Variants in IAPP observed in about 807,000 individuals in gnomAD.
The protein encoded by IAPP is Islet amyloid polypeptide (diabetes-associated peptide; amylin).
Under a neutral mutation model 2.9 loss-of-function variants are expected in IAPP, and 4 were observed. The ratio of observed to expected loss-of-function variants is 1.39; its 90% CI spans 0.69 to 3.19. The LOEUF (loss-of-function observed/expected upper bound fraction) is 3.19, where lower values mean the gene tolerates loss of function less well. IAPP is among the 30% of genes most tolerant of loss of function. The pLI, the probability that IAPP is intolerant of heterozygous loss-of-function variation, is 0.01. For synonymous variants in IAPP, 40 were observed against 42.1 expected (o/e 0.95, Z 0.19); for missense variants, 114 against 105.3 (o/e 1.08, Z -0.36).
chr12:21,373,345 A>G lies in IAPP; in HGVS notation c.-7A>G. The G allele has an allele frequency of 6.2e-7, 1 of 1,605,264 alleles. No homozygotes were observed. Among genetic ancestry groups the G allele is most frequent in the Non-Finnish European group, 8.5e-7 (1 of 1,172,198 alleles). On this transcript the variant is annotated 5_prime_UTR_variant, in exon 2 of 3. Transcript: ENST00000240652. ...TGGATTATTCTTTGCAGAAAATTTG[A>G]GAAGCAATGGGCATCCTGAAGCTGC...
upstream of IAPP, among the ~76,000 whole-genome samples, chr12:21,370,927 AG>A (rs1939739771): frequency 6.6e-6 from 1 of 152,210 alleles, no homozygotes; most frequent in African/African-American, 2.4e-5. Context: ...GAAAGAGTTC[AG>A]GGGCAAGTTG....
At chr12:21,357,901 C>A (rs1048291394) in intron 1 of IAPP, among the ~76,000 whole-genome samples, 4 of 152,072 alleles carry the variant, frequency 2.6e-5, no homozygotes, top group African/African-American at 7.2e-5. Context: ...TATAAACATG[C>A]AAACCATTAA....
chr12:21,366,847 G>A (rs189382691), intron 1 of IAPP, among the ~76,000 whole-genome samples: 10 of 151,858 alleles, frequency 6.6e-5, no homozygotes, highest in Admixed American at 6.6e-4. Flanking sequence ...TAATTAAAGA[G>A]ATTAAAAATA....
intron 1 of IAPP, among the ~76,000 whole-genome samples, chr12:21,365,048 T>G (rs893960738): frequency 3.3e-5 from 5 of 152,124 alleles, no homozygotes; most frequent in African/African-American, 1.2e-4. Context: ...AAAAACTACT[T>G]TAAAGTTCAT....
upstream of IAPP, among the ~76,000 whole-genome samples, chr12:21,369,334 C>T (rs1381476471): frequency 1.3e-5 from 2 of 152,082 alleles, no homozygotes; most frequent in East Asian, 3.9e-4. Context: ...CAGCAACCAC[C>T]CTGGTCTAAG....
At chr12:21,373,710 A>G in intron 2 of IAPP, 1 of 701,702 alleles carries the variant, frequency 1.4e-6, no homozygotes, top group Non-Finnish European at 2.6e-6. Context: ...AAGCCAGAAC[A>G]TGAAGCGGGA....
chr12:21,374,016 C>A (rs1208425732), intron 2 of IAPP, among the ~76,000 whole-genome samples: 1 of 152,120 alleles, frequency 6.6e-6, no homozygotes, highest in Non-Finnish European at 1.5e-5. Flanking sequence ...GCTAGCTATT[C>A]TGTGAGTGAA....
At chr12:21,371,982 A>G (rs886190776), upstream of IAPP, among the ~76,000 whole-genome samples, 8 of 152,092 alleles carry the variant, frequency 5.3e-5, no homozygotes, top group Non-Finnish European at 1.0e-4. Context: ...AGCCTGGGCA[A>G]CAAAGAGTGA....
At chr12:21,357,471 T>C (rs1938465050) in intron 1 of IAPP, among the ~76,000 whole-genome samples, 1 of 152,234 alleles carries the variant, frequency 6.6e-6, no homozygotes, top group South Asian at 2.1e-4. Context: ...TCCAGAACTG[T>C]GAAACTATAA....
At chr12:21,373,208 A>G (rs1160562220) in intron 1 of IAPP, 129 bp from the exon 2 acceptor site, 1 of 685,026 alleles carries the variant, frequency 1.5e-6, no homozygotes, top group Non-Finnish European at 2.6e-6. Flanking sequence ...CTGTATCAAT[A>G]AAAATTTTGA....
intron 1 of IAPP, among the ~76,000 whole-genome samples, chr12:21,358,131 T>C (rs1172825857): frequency 1.3e-5 from 2 of 152,156 alleles, no homozygotes; most frequent in African/African-American, 4.8e-5. Flanking sequence ...CTTAATAAAC[T>C]TAAAAATGTC....
intron 1 of IAPP, among the ~76,000 whole-genome samples, chr12:21,364,089 A>G (rs780147375): frequency 1.3e-5 from 2 of 152,182 alleles, no homozygotes; most frequent in Non-Finnish European, 1.5e-5. Flanking sequence ...GCAGAAACAC[A>G]ACAAAAAAAG....
intron 1 of IAPP, among the ~76,000 whole-genome samples, chr12:21,362,298 T>A (rs563873578): frequency 2.6e-5 from 4 of 152,156 alleles, no homozygotes; most frequent in Non-Finnish European, 5.9e-5. Flanking sequence ...CCAGTCAAAC[T>A]AAGCTTCATA....
chr12:21,358,259 T>C (rs959326254), intron 1 of IAPP, among the ~76,000 whole-genome samples: 1 of 152,228 alleles, frequency 6.6e-6, no homozygotes, highest in African/African-American at 2.4e-5. Flanking sequence ...AAAAAATCAT[T>C]AAGCTTGCTA....
intron 1 of IAPP, among the ~76,000 whole-genome samples, chr12:21,358,615 T>C (rs910780086): frequency 3.3e-5 from 5 of 152,142 alleles, no homozygotes; most frequent in African/African-American, 4.8e-5. Context: ...TTATCACTAG[T>C]TAATACTTTT....
intron 1 of IAPP, among the ~76,000 whole-genome samples, chr12:21,362,984 A>C (rs1278570083): frequency 6.6e-6 from 1 of 152,198 alleles, no homozygotes; most frequent in African/African-American, 2.4e-5. Flanking sequence ...TAGACAGATC[A>C]ACAAGACAGA....
chr12:21,373,116 A>G, intron 1 of IAPP, 112 bp downstream of exon 1: 1 of 559,386 alleles, frequency 1.8e-6, no homozygotes. Flanking sequence ...GTATTACAAT[A>G]TAAATGTTCA....
In IAPP at chr12:21,379,058, G is replaced by C. The variant is rs1476984589; in HGVS notation, c.*632G>C. 6.6e-6 allele frequency: 1 copy of C among 152,242 alleles called. No homozygotes were observed. The highest frequency in any genetic ancestry group is 2.4e-5 in the African/African-American group (1 of 41,430). 9.4% of individuals were successfully genotyped at this position (152,242 alleles called of 1,614,324 possible). On this transcript the variant is annotated 3_prime_UTR_variant, in exon 3 of 3. Transcript: ENST00000240652. ...CCACTGCACTCCAGCCTGGGTGGCA[G>C]AGTGAGACTCGTCTCAAAAAAAAGA...
intron 1 of IAPP, among the ~76,000 whole-genome samples, chr12:21,355,947 T>C (rs11834836): frequency 0.023 from 3,554 of 152,220 alleles, 157 homozygotes; most frequent in African/African-American, 0.081. Context: ...TAAAATAGTA[T>C]TGAATGAGTA....
Sources: gnomAD v4.1 joint callset for allele counts (sites outside exome capture counted in the v4.1 genomes callset) on GRCh38, gnomAD v4.1.1 for gene constraint, MANE v1.5 for transcripts, NCBI Gene and HGNC (gene_info 2026-07-23, HGNC 2026-07-21) for gene names.